Variants in SLC25A35 observed in about 807,000 individuals in gnomAD.
The protein encoded by SLC25A35 is solute carrier family 25 member 35, also known as solute carrier family 25, member 35.
Under a neutral mutation model 30.5 loss-of-function variants are expected in SLC25A35, and 32 were observed. The ratio of observed to expected loss-of-function variants is 1.05; its 90% CI spans 0.79 to 1.41. SLC25A35 has a LOEUF of 1.41. Among genes scored for constraint, SLC25A35 ranks in the 40% most tolerant of loss-of-function variants. SLC25A35 has a pLI of 0.00. For missense variants in SLC25A35, 369 were observed against 388.0 expected, an observed-to-expected ratio of 0.95 and a Z score of 0.41; for synonymous variants, 142 against 158.1, an observed-to-expected ratio of 0.90 and a Z score of 0.77.
rs1190806014 is a variant in SLC25A35 at position 8,290,087 on chromosome 17, A to G, written c.*418T>C. On this transcript the variant is annotated 3_prime_UTR_variant, in exon 5 of 5. Coordinates refer to ENST00000577745, the MANE Select transcript of SLC25A35 (RefSeq NM_001320870.2). ...TCAGAATAAACTTGCTTTATAATCA[A>G]TATAATCTCTGTGCCTTTGAATCTA... 7.2e-6 allele frequency: 11 copies of G among 1,530,368 alleles called. No individual in the cohort carries two copies. Among genetic ancestry groups the G allele is most frequent in the East Asian group, 4.5e-5 (2 of 43,998 alleles). The allele number at this position is 1,530,368 out of a possible 1,614,324, so 94.8% of individuals were successfully genotyped here.
At chr17:8,289,239 C>A, downstream of SLC25A35, 2 of 1,612,720 alleles carry the variant, frequency 1.2e-6, no homozygotes, top group Non-Finnish European at 1.7e-6. Flanking sequence ...CCCTTCCTGA[C>A]CCCGCTTCCC....
chr17:8,294,934 A>G lies in SLC25A35; in HGVS notation c.-127T>C. The G allele has an allele frequency of 6.9e-7, 1 of 1,456,940 alleles. No homozygotes were observed. The allele number at this position is 1,456,940 out of a possible 1,614,324, so 90.3% of individuals were successfully genotyped here. A position where few individuals can be genotyped will look rare whatever the true frequency, so the allele number is the denominator to read the frequency against. On this transcript the variant is annotated 5_prime_UTR_variant, in exon 1 of 5. Coordinates refer to ENST00000577745, the MANE Select transcript of SLC25A35 (RefSeq NM_001320870.2). ...CAGGTTGCAGAAGATAAGAATTTAGATTTGCAGTCAAGGGTGTCAGGGTCA... is the reference window on the plus strand; with the variant it reads ...CAGGTTGCAGAAGATAAGAATTTAGGTTTGCAGTCAAGGGTGTCAGGGTCA...
downstream of SLC25A35, chr17:8,289,156 C>T (rs1990276805): frequency 3.8e-6 from 6 of 1,599,134 alleles, no homozygotes; most frequent in Admixed American, 5.0e-5. Flanking sequence ...TTAATCCGGG[C>T]GGTGAGACCA....
chr17:8,289,348 G>C (rs756226505), downstream of SLC25A35: 11 of 1,614,058 alleles, frequency 6.8e-6, no homozygotes, highest in East Asian at 1.8e-4. Flanking sequence ...ACCTGGCCCT[G>C]AGGGGCCGCT....
Position 8,290,687 on chromosome 17 carries a change from G to A in SLC25A35, c.730-9C>T, listed in dbSNP as rs1990421917. ...CCCCGGTACATGAGGCCCTGAGAGT[G>A]TGTCAGAGAGGGAGGGAGAGCACAG... is the stretch of plus-strand genomic sequence containing the variant. On this transcript the variant is annotated splice_polypyrimidine_tract_variant and intron_variant, in intron 4 of 4. Coordinates refer to ENST00000577745, the MANE Select transcript of SLC25A35 (RefSeq NM_001320870.2). 10 of 1,593,268 alleles carry A rather than the reference G, an allele frequency of 6.3e-6. No individual in the cohort carries two copies. The highest frequency in any genetic ancestry group is 8.5e-6 in the Non-Finnish European group (10 of 1,175,508).
At chr17:8,289,772 C>T, downstream of SLC25A35, 1 of 1,613,648 alleles carries the variant, frequency 6.2e-7, no homozygotes, top group African/African-American at 1.3e-5. Context: ...AAACCTCAGG[C>T]CTGGATGATG....
rs1471638817 is a variant in SLC25A35 at position 8,292,585 on chromosome 17, T to G, written c.379A>C (p.Lys127Gln). Residue 127 changes from lysine to glutamine, a missense_variant, in exon 2 of 5, where the codon AAG (lysine) becomes CAG (glutamine). Physicochemically the swap from Lys to Gln is moderately conservative, Grantham distance 53. Coordinates refer to ENST00000577745, the MANE Select transcript of SLC25A35 (RefSeq NM_001320870.2). ...GCTGCCTGTGCCTGCAGGTGTGTCTTCACCTGGGAACAAGAGAATATCATA... is the reference window on the plus strand; with the variant it reads ...GCTGCCTGTGCCTGCAGGTGTGTCTGCACCTGGGAACAAGAGAATATCATA... ...AYLGSPIYMV[K>Q]THLQAQAASE... The G allele has an allele frequency of 6.2e-7, 1 of 1,614,036 alleles. No homozygotes were observed. Among genetic ancestry groups the G allele is most frequent in the East Asian group, 2.2e-5 (1 of 44,868 alleles).
At chr17:8,291,180 G>A (rs1403256919) in intron 3 of SLC25A35, among the ~76,000 whole-genome samples, 153 bp downstream of exon 3, 1 of 152,168 alleles carries the variant, frequency 6.6e-6, no homozygotes. Flanking sequence ...AGTGACAAGA[G>A]AACTGTGGGA....
intron 1 of SLC25A35, among the ~76,000 whole-genome samples, 193 bp downstream of exon 1, chr17:8,294,240 C>T (rs2151622931): frequency 6.6e-6 from 1 of 152,308 alleles, no homozygotes; most frequent in African/African-American, 2.4e-5. Flanking sequence ...TTAATCAATA[C>T]ATTCAATCGT....
chr17:8,289,100 T>C, downstream of SLC25A35: 2 of 1,610,352 alleles, frequency 1.2e-6, no homozygotes, highest in Non-Finnish European at 1.7e-6. Context: ...GGCTGGCCAA[T>C]GGCAGGGGCG....
chr17:8,289,347 T>C (rs1309591825), downstream of SLC25A35: 1 of 1,614,046 alleles, frequency 6.2e-7, no homozygotes, highest in Non-Finnish European at 8.5e-7. Flanking sequence ...AACCTGGCCC[T>C]GAGGGGCCGC....
downstream of SLC25A35, chr17:8,289,703 C>T (rs1325937691): frequency 4.3e-6 from 7 of 1,611,708 alleles, no homozygotes; most frequent in African/African-American, 2.7e-5. Flanking sequence ...CAGGAGTGGG[C>T]CAGAGGTTTG....
chr17:8,294,874 G>A lies in SLC25A35; in HGVS notation c.-67C>T, dbSNP rs1411373735. 2.4e-5 allele frequency: 37 copies of A among 1,513,970 alleles called. No homozygotes were observed. The East Asian group carries it at 8.4e-4, about 34-fold the overall frequency. 93.8% of individuals were successfully genotyped at this position (1,513,970 alleles called of 1,614,324 possible). On this transcript the variant is annotated 5_prime_UTR_variant, in exon 1 of 5. Transcript: ENST00000577745. ...GTAAAAATGGGTGTCAGAAAGCGGG[G>A]TTGGAAGACAGGGGGAAGGCCTGTT... is the stretch of plus-strand genomic sequence containing the variant.
chr17:8,292,721 CCTA>C, intron 1 of SLC25A35, 133 bp from the exon 2 acceptor site: 1 of 775,008 alleles, frequency 1.3e-6, no homozygotes. Flanking sequence ...TATTGTTCTT[CCTA>C]CTTAACAAAC....
At chr17:8,288,810 C>T (rs1990239221), downstream of SLC25A35, 1 of 1,614,188 alleles carries the variant, frequency 6.2e-7, no homozygotes, top group East Asian at 2.2e-5. Flanking sequence ...GAGAGACTGC[C>T]CGCTGTTCGG....
downstream of SLC25A35, chr17:8,289,069 C>A (rs149958174): frequency 1.2e-6 from 2 of 1,613,392 alleles, no homozygotes; most frequent in African/African-American, 2.7e-5. Flanking sequence ...GAAGCGGCTG[C>A]GCGGTGAGGG....
downstream of SLC25A35, chr17:8,290,005 T>C (rs569317439): frequency 6.2e-7 from 1 of 1,609,006 alleles, no homozygotes; most frequent in East Asian, 2.2e-5. Flanking sequence ...GAAAAGAGGT[T>C]GAAAAGAGGG....
chr17:8,293,915 C>CTT (rs3033784), intron 1 of SLC25A35, among the ~76,000 whole-genome samples: 2 of 132,380 alleles, frequency 1.5e-5, no homozygotes, highest in East Asian at 4.5e-4. Context: ...AGCCCATAAT[C>CTT]TTTTTTTTTT....
chr17:8,289,160 G>A, downstream of SLC25A35: 1 of 1,601,944 alleles, frequency 6.2e-7, no homozygotes, highest in East Asian at 2.2e-5. Context: ...TCCGGGCGGT[G>A]AGACCACGCA....
Sources: gnomAD v4.1 joint callset for allele counts (sites outside exome capture counted in the v4.1 genomes callset) on GRCh38, gnomAD v4.1.1 for gene constraint, MANE v1.5 for transcripts, NCBI Gene and HGNC (gene_info 2026-07-23, HGNC 2026-07-21) for gene names.